SLC9A9: variants seen among roughly 807,000 people sequenced by gnomAD.
The protein encoded by SLC9A9 is sodium/hydrogen exchanger 9.
SLC9A9 carries 62 observed loss-of-function variants against 77.8 expected under a neutral mutation model. That is an observed-to-expected ratio of 0.80 (90% CI 0.65 to 0.98). SLC9A9 has a LOEUF of 0.98. SLC9A9 is among the 50% of genes least tolerant of loss of function. The pLI is 0.00. For missense variants in SLC9A9, 775 were observed against 774.9 expected (o/e 1.00, Z 0.00); for synonymous variants, 320 against 283.5 (o/e 1.13, Z -1.29).
intron 12 of SLC9A9, among the ~76,000 whole-genome samples, chr3:143,413,825 T>C (rs998661726): frequency 6.6e-6 from 1 of 152,130 alleles, no homozygotes; most frequent in East Asian, 1.9e-4. Context: ...TGCGCATGCA[T>C]GTACATGCAT....
chr3:143,548,765 T>C (rs1213451299), intron 9 of SLC9A9, among the ~76,000 whole-genome samples: 1 of 152,154 alleles, frequency 6.6e-6, no homozygotes, highest in African/African-American at 2.4e-5. Context: ...ACAAAACATA[T>C]CTTAAAATGA....
intron 6 of SLC9A9, among the ~76,000 whole-genome samples, chr3:143,589,330 T>A (rs747697499): frequency 1.1e-4 from 16 of 152,206 alleles, no homozygotes; most frequent in Non-Finnish European, 1.8e-4. Flanking sequence ...CCTCATTTAA[T>A]CCTTCCAATT....
intron 9 of SLC9A9, chr3:143,503,774 G>A (rs1039719607): frequency 2.4e-5 from 8 of 340,234 alleles, no homozygotes; most frequent in African/African-American, 6.5e-5. Flanking sequence ...TAATGCTAAA[G>A]TTGTCATGGA....
In SLC9A9 at chr3:143,796,864, G is replaced by T. The variant is rs775143452; in HGVS notation, c.418C>A (p.Pro140Thr). ...DPEIFFNVLL[P>T]PIIFHAGYSL... is the part of the protein sequence containing the mutation. ...TATCCTGCATGAAATATAATTGGTG[G>T]CAGTAAAACATTGAAGAAGATTTCT... The change falls in exon 3 of 16, where the codon CCA becomes ACA. Residue 140 changes from proline to threonine, a missense_variant. Coordinates refer to ENST00000316549, the MANE Select transcript of SLC9A9 (RefSeq NM_173653.4). The T allele has an allele frequency of 6.2e-7, 1 of 1,611,588 alleles. No individual in the cohort carries two copies. The highest frequency in any genetic ancestry group is 1.7e-5 in the Admixed American group (1 of 59,944).
rs12631822 is a variant in SLC9A9, at chr3:143,452,089, T to C, written c.1469+14948A>G. 5.0e-3 allele frequency among the ~76,000 whole-genome samples: 758 copies of C among 152,222 alleles called. 17 individuals are homozygous for C. The highest frequency in any genetic ancestry group is 0.042 in the East Asian group (218 of 5,190). ...TAATAGTCGAATCAGATGATGATTA[T>C]TGATGGATGCTAAAAACAGTGGGTA... On this transcript the variant is annotated intron_variant, in intron 12 of 15. Coordinates refer to ENST00000316549, the MANE Select transcript of SLC9A9 (RefSeq NM_173653.4).
chr3:143,376,317 A>C (rs2033179635), intron 13 of SLC9A9, among the ~76,000 whole-genome samples: 1 of 152,232 alleles, frequency 6.6e-6, no homozygotes, highest in Non-Finnish European at 1.5e-5. Flanking sequence ...CTTACTGGGA[A>C]GAAAGAACAC....
chr3:143,328,233 A>C (rs939500002), intron 14 of SLC9A9, among the ~76,000 whole-genome samples: 2 of 152,270 alleles, frequency 1.3e-5, no homozygotes, highest in Admixed American at 1.3e-4. Context: ...TTAATAACAG[A>C]GGAAACTATG....
At chr3:143,738,641 A>C (rs1460020318) in intron 4 of SLC9A9, among the ~76,000 whole-genome samples, 1 of 152,120 alleles carries the variant, frequency 6.6e-6, no homozygotes, top group African/African-American at 2.4e-5. Flanking sequence ...AAGGTAAAGG[A>C]CCCAGTCCCA....
intron 12 of SLC9A9, among the ~76,000 whole-genome samples, chr3:143,426,987 G>A (rs943642623): frequency 1.3e-5 from 2 of 152,298 alleles, no homozygotes; most frequent in South Asian, 4.1e-4. Context: ...CTTAACAGCC[G>A]CTACAGTTTA....
At chr3:143,713,816 A>G (rs1339185628) in intron 4 of SLC9A9, among the ~76,000 whole-genome samples, 2 of 152,230 alleles carry the variant, frequency 1.3e-5, no homozygotes, top group East Asian at 1.9e-4. Flanking sequence ...CTAAAACTTT[A>G]TGGTTTTATA....
At chr3:143,754,493 A>G (rs2006858369) in intron 4 of SLC9A9, among the ~76,000 whole-genome samples, 1 of 152,194 alleles carries the variant, frequency 6.6e-6, no homozygotes, top group Non-Finnish European at 1.5e-5. Context: ...ATTTATGAAA[A>G]GCATCTGCAG....
chr3:143,467,304 T>C, intron 11 of SLC9A9, 114 bp from the exon 12 acceptor site: 1 of 1,199,978 alleles, frequency 8.3e-7, no homozygotes, highest in South Asian at 1.4e-5. Context: ...CTTTTTATTT[T>C]GAGATAATTA....
At chr3:143,695,705 G>C (rs1933617414) in intron 4 of SLC9A9, among the ~76,000 whole-genome samples, 1 of 152,156 alleles carries the variant, frequency 6.6e-6, no homozygotes, top group Admixed American at 6.5e-5. Flanking sequence ...CCAGTAATGG[G>C]ATTGCTGGGT....
chr3:143,659,985 G>T (rs1278606090), intron 5 of SLC9A9, among the ~76,000 whole-genome samples: 1 of 152,206 alleles, frequency 6.6e-6, no homozygotes, highest in African/African-American at 2.4e-5. Flanking sequence ...TCTCTTGCCT[G>T]CCACCGTGTA....
At position 143,265,989 on chromosome 3, in the gene SLC9A9, T is replaced by C; in HGVS notation, c.*713A>G. ...CAACGTGGTATGGGGAGAAGAAACCTGGTTTTCTTGGAATGGTCCTACTAA... is the reference window on the plus strand; with the variant it reads ...CAACGTGGTATGGGGAGAAGAAACCCGGTTTTCTTGGAATGGTCCTACTAA... On this transcript the variant is annotated 3_prime_UTR_variant, in exon 16 of 16. Coordinates refer to ENST00000316549, the MANE Select transcript of SLC9A9 (RefSeq NM_173653.4). 1.4e-6 allele frequency: 1 copy of C among 694,232 alleles called. No homozygotes were observed. Among genetic ancestry groups the C allele is most frequent in the Non-Finnish European group, 2.6e-6 (1 of 381,174 alleles). The allele number at this position is 694,232 out of a possible 1,614,324, so 43.0% of individuals were successfully genotyped here.
intron 9 of SLC9A9, among the ~76,000 whole-genome samples, chr3:143,549,983 G>A (rs765578217): frequency 6.6e-6 from 1 of 152,120 alleles, no homozygotes; most frequent in African/African-American, 2.4e-5. Context: ...TGTTTGGGGG[G>A]CTTTTTTCTT....
At chr3:143,587,585 C>CTGGG (rs1283809696) in intron 6 of SLC9A9, among the ~76,000 whole-genome samples, 4 of 145,434 alleles carry the variant, frequency 2.8e-5, no homozygotes, top group Admixed American at 1.4e-4. Flanking sequence ...CAGGCTGGAG[C>CTGGG]CGGGCCAGGG....
At chr3:143,332,206 A>G (rs2031792306) in intron 14 of SLC9A9, among the ~76,000 whole-genome samples, 1 of 152,160 alleles carries the variant, frequency 6.6e-6, no homozygotes, top group Admixed American at 6.5e-5. Context: ...CCTTCTGTCT[A>G]TCCTCATGGC....
intron 6 of SLC9A9, among the ~76,000 whole-genome samples, chr3:143,603,344 C>T (rs752686831): frequency 6.6e-5 from 10 of 152,334 alleles, no homozygotes; most frequent in Middle Eastern, 3.4e-3. Context: ...TTGGTATTCA[C>T]GCCCTCTACA....
Sources: allele counts gnomAD v4.1 joint callset (sites outside exome capture counted in the v4.1 genomes callset), GRCh38; gene constraint gnomAD v4.1.1; transcripts MANE v1.5; gene names NCBI Gene and HGNC (gene_info 2026-07-23, HGNC 2026-07-21).